The following ABLIM1 variants were observed in gnomAD, a reference collection of about 807,000 sequenced individuals.
ABLIM1 encodes actin-binding LIM protein 1.
A neutral mutation model predicts 107.0 loss-of-function variants in ABLIM1; 40 were observed. The observed-to-expected ratio is 0.37, with a 90% CI of 0.29 to 0.49. The LOEUF (loss-of-function observed/expected upper bound fraction) is 0.49, where lower values mean the gene tolerates loss of function less well. Ranked by LOEUF, ABLIM1 falls within the 20% of genes least tolerant of loss-of-function variation. The pLI is 0.97. For synonymous variants in ABLIM1, 357 were observed against 357.3 expected, an observed-to-expected ratio of 1.00 and a Z score of 0.01; for missense variants, 857 against 1,008.5, an observed-to-expected ratio of 0.85 and a Z score of 2.04.
chr10:114,771,270 A>G (rs2083021685), upstream of ABLIM1, among the ~76,000 whole-genome samples: 1 of 152,236 alleles, frequency 6.6e-6, no homozygotes, highest in Non-Finnish European at 1.5e-5. Flanking sequence ...AGATGCTTGT[A>G]ATAGACTACA....
At chr10:114,729,499 T>C (rs1300468403) in intron 1 of ABLIM1, among the ~76,000 whole-genome samples, 3 of 152,094 alleles carry the variant, frequency 2.0e-5, no homozygotes, top group African/African-American at 7.3e-5. Context: ...AATTCCCAAA[T>C]TGAAACAGAA....
chr10:114,635,312 T>A (rs542516014), intron 1 of ABLIM1, among the ~76,000 whole-genome samples: 1 of 152,220 alleles, frequency 6.6e-6, no homozygotes, highest in South Asian at 2.1e-4. Flanking sequence ...AATTCAAGCG[T>A]ACATCATTTC....
At position 114,658,230 on chromosome 10, in the gene ABLIM1, T is replaced by C; in HGVS notation, c.-30A>G. 6.3e-7 allele frequency: 1 copy of C among 1,583,512 alleles called. No homozygotes were observed. The highest frequency in any genetic ancestry group is 8.6e-7 in the Non-Finnish European group (1 of 1,160,704). ...GCATGGATTTCCAAGCAATGAGAAA[T>C]GGGGAGTGGGGACCCAAGGAGCGGT... is the stretch of plus-strand genomic sequence containing the variant. On this transcript the variant is annotated 5_prime_UTR_variant, in exon 1 of 23. Coordinates refer to ENST00000533213, the MANE Select transcript of ABLIM1 (RefSeq NM_002313.7).
chr10:114,779,395 C>G, the ABLIM1 span: 1 of 152,198 alleles, frequency 6.6e-6, no homozygotes, highest in Non-Finnish European at 1.5e-5. Flanking sequence ...TGCTATGCGG[C>G]ATGATTTCTT....
At chr10:114,500,011 G>A (rs1437987251) in intron 6 of ABLIM1, among the ~76,000 whole-genome samples, 2 of 152,202 alleles carry the variant, frequency 1.3e-5, no homozygotes, top group South Asian at 2.1e-4. Context: ...TGCCTTGGCC[G>A]TAAATATGTA....
Position 114,670,943 on chromosome 10 carries a change from C to A in ABLIM1, c.64+13347G>T, listed in dbSNP as rs139187041. 4.1e-4 allele frequency among the ~76,000 whole-genome samples: 62 copies of A among 152,248 alleles called. No individual in the cohort carries two copies. The East Asian group carries it at 0.012, about 29-fold the overall frequency. On this transcript the variant is annotated intron_variant, in intron 1 of 23. Coordinates refer to the ABLIM1 transcript ENST00000369256. ...TTAAATTTTTTATTGAAATATATAT[C>A]TTACCTACAAAGTTCACAAATCTCC...
chr10:114,499,951 G>C (rs1252819469), intron 6 of ABLIM1, among the ~76,000 whole-genome samples: 1 of 152,202 alleles, frequency 6.6e-6, no homozygotes, highest in Non-Finnish European at 1.5e-5. Flanking sequence ...CCTGTTCCAG[G>C]AGGCTTTTCT....
At chr10:114,626,680 G>A (rs1387141134) in intron 1 of ABLIM1, among the ~76,000 whole-genome samples, 1 of 152,098 alleles carries the variant, frequency 6.6e-6, no homozygotes, top group Admixed American at 6.6e-5. Flanking sequence ...CGTGTAATGG[G>A]TTGGACTGCA....
intron 1 of ABLIM1, among the ~76,000 whole-genome samples, chr10:114,669,381 A>T (rs1430739080): frequency 3.9e-5 from 6 of 152,252 alleles, no homozygotes; most frequent in African/African-American, 1.4e-4. Context: ...ACCACAGAGA[A>T]TTTGAAAATT....
intron 1 of ABLIM1, among the ~76,000 whole-genome samples, chr10:114,602,532 C>T (rs985014547): frequency 6.6e-6 from 1 of 152,206 alleles, no homozygotes; most frequent in East Asian, 1.9e-4. Context: ...ACCAGAGGGT[C>T]ATTCCCGATC....
At chr10:114,576,973 T>TC (rs1474321480) in intron 2 of ABLIM1, among the ~76,000 whole-genome samples, 3 of 152,134 alleles carry the variant, frequency 2.0e-5, no homozygotes, top group Non-Finnish European at 4.4e-5. Flanking sequence ...CCCACTGTTC[T>TC]CCCACCTGCT....
intron 1 of ABLIM1, among the ~76,000 whole-genome samples, chr10:114,637,171 G>A (rs2078524759): frequency 6.6e-6 from 1 of 152,060 alleles, no homozygotes; most frequent in South Asian, 2.1e-4. Context: ...TGGGAAGGAG[G>A]CCTGAGTGGC....
chr10:114,451,636 A>T lies in ABLIM1; in HGVS notation c.1582T>A (p.Tyr528Asn), dbSNP rs1480780926. Residue 528 changes from tyrosine (Y) to asparagine (N), a missense_variant, in exon 14 of 23, where the codon TAC becomes AAC. Tyr to Asn is a moderately radical substitution (Grantham distance 143). This residue lies in a region of ABLIM1 where 103 missense variants were observed against 101.0 expected (regional missense o/e 1.02). Coordinates refer to ENST00000533213, the MANE Select transcript of ABLIM1 (RefSeq NM_002313.7). ...GINIYRKPPI[Y>N]KQHAALAAQS... ...AAGCGGGTTTTACCATGCTGTTTGT[A>T]GATGGGTGGCTTTCGGTAAATGTTG... The T allele has an allele frequency of 6.2e-7, 1 of 1,613,650 alleles. No individual in the cohort carries two copies.
intron 1 of ABLIM1, among the ~76,000 whole-genome samples, chr10:114,708,411 T>A (rs900942035): frequency 6.6e-6 from 1 of 152,150 alleles, no homozygotes; most frequent in Admixed American, 6.5e-5. Context: ...CCCTCCTCCC[T>A]GCTTGGCAAG....
chr10:114,544,911 G>T, intron 6 of ABLIM1, 94 bp downstream of exon 6: 1 of 1,146,658 alleles, frequency 8.7e-7, no homozygotes, highest in Non-Finnish European at 1.3e-6. Flanking sequence ...GTGAAAAAAA[G>T]ATGGAGGAGG....
At chr10:114,576,625 T>C (rs1193786273) in intron 2 of ABLIM1, among the ~76,000 whole-genome samples, 1 of 152,182 alleles carries the variant, frequency 6.6e-6, no homozygotes, top group Admixed American at 6.5e-5. Flanking sequence ...TTAATTCATC[T>C]AGATGAACTA....
chr10:114,471,777 C>G (rs1294219291), intron 10 of ABLIM1, among the ~76,000 whole-genome samples: 1 of 152,090 alleles, frequency 6.6e-6, no homozygotes, highest in African/African-American at 2.4e-5. Flanking sequence ...TCCAAGACCT[C>G]AAAGCACTGT....
At chr10:114,519,538 A>G (rs566905193) in intron 6 of ABLIM1, among the ~76,000 whole-genome samples, 49 of 152,314 alleles carry the variant, frequency 3.2e-4, no homozygotes, top group African/African-American at 1.1e-3. Context: ...CCTTTCCAAT[A>G]TCCTCATCAC....
At chr10:114,704,306 A>C (rs200575993) in intron 1 of ABLIM1, among the ~76,000 whole-genome samples, 11,565 of 30,170 alleles carry the variant, frequency 0.38, 1,141 homozygotes, top group Admixed American at 0.44. Flanking sequence ...CTCTCTCTAT[A>C]TATATATATA....
Sources: allele counts gnomAD v4.1 joint callset (sites outside exome capture counted in the v4.1 genomes callset), GRCh38; gene constraint gnomAD v4.1.1; regional missense constraint gnomAD v4.1.1; transcripts MANE v1.5; gene names NCBI Gene and HGNC (gene_info 2026-07-23, HGNC 2026-07-21).